SLC25A26: variants seen among roughly 807,000 people sequenced by gnomAD.
SLC25A26 encodes the protein mitochondrial S-adenosylmethionine carrier protein.
In SLC25A26, 36 loss-of-function variants were observed where a neutral mutation model predicts 37.8. The ratio of observed to expected loss-of-function variants is 0.95; its 90% CI spans 0.73 to 1.26. The LOEUF is 1.26. Ranked by LOEUF, SLC25A26 falls within the 50% of genes most tolerant of loss-of-function variation. The probability of loss-of-function intolerance (pLI) is 0.00; values close to 1 mark genes in which losing one functional copy is unlikely to be tolerated. For synonymous variants in SLC25A26, 129 were observed against 122.5 expected, an observed-to-expected ratio of 1.05 and a Z score of -0.35; for missense variants, 390 against 331.1, an observed-to-expected ratio of 1.18 and a Z score of -1.38.
chr3:66,318,925 C>T (rs567158735), intron 5 of SLC25A26, among the ~76,000 whole-genome samples: 1 of 152,280 alleles, frequency 6.6e-6, no homozygotes, highest in South Asian at 2.1e-4. Context: ...GCTGGGATTA[C>T]AGACACGAAC....
At chr3:66,248,812 C>T (rs982137605) in intron 3 of SLC25A26, among the ~76,000 whole-genome samples, 17 of 152,148 alleles carry the variant, frequency 1.1e-4, no homozygotes, top group African/African-American at 3.9e-4. Flanking sequence ...CAAGAAGGCC[C>T]GATGAGCATC....
chr3:66,195,379 C>T (rs1321634148), intron 1 of SLC25A26, among the ~76,000 whole-genome samples: 1 of 152,210 alleles, frequency 6.6e-6, no homozygotes, highest in Admixed American at 6.5e-5. Context: ...TCCAGGAACC[C>T]GCGGTAGGGA....
chr3:66,340,527 G>A (rs972723178), intron 5 of SLC25A26, among the ~76,000 whole-genome samples: 1 of 151,970 alleles, frequency 6.6e-6, no homozygotes, highest in African/African-American at 2.4e-5. Flanking sequence ...TCTTTTAAAA[G>A]CTTTATGGAT....
chr3:66,183,198 G>C (rs916741181), intron 1 of SLC25A26, among the ~76,000 whole-genome samples: 2 of 151,756 alleles, frequency 1.3e-5, no homozygotes, highest in Non-Finnish European at 2.9e-5. Context: ...CGCTGACCCT[G>C]ACCCTGATTT....
chr3:66,298,458 T>C (rs1483449550), intron 5 of SLC25A26, among the ~76,000 whole-genome samples: 1 of 152,196 alleles, frequency 6.6e-6, no homozygotes, highest in African/African-American at 2.4e-5. Context: ...CTTTGTGGGG[T>C]TTTCTTTTTT....
intron 1 of SLC25A26, among the ~76,000 whole-genome samples, chr3:66,183,890 T>TTGAACC (rs1399901874): frequency 6.6e-6 from 1 of 151,780 alleles, no homozygotes; most frequent in Non-Finnish European, 1.5e-5. Context: ...AAACCTTAAT[T>TTGAACC]TGAACCTGAC....
chr3:66,258,876 T>C (rs2073411006), intron 3 of SLC25A26, among the ~76,000 whole-genome samples: 1 of 151,460 alleles, frequency 6.6e-6, no homozygotes, highest in Admixed American at 6.6e-5. Context: ...TAACAGGATA[T>C]TTTACATTAA....
At chr3:66,274,585 G>A (rs2074068706) in intron 5 of SLC25A26, among the ~76,000 whole-genome samples, 1 of 152,216 alleles carries the variant, frequency 6.6e-6, no homozygotes, top group Non-Finnish European at 1.5e-5. Context: ...CAAAAAGTAG[G>A]CAAAGGATAT....
chr3:66,320,523 T>C (rs1339005219), intron 5 of SLC25A26, among the ~76,000 whole-genome samples: 3 of 152,218 alleles, frequency 2.0e-5, no homozygotes, highest in Admixed American at 6.5e-5. Context: ...TTTTGGCTAT[T>C]GTGAATAAGG....
In SLC25A26 at chr3:66,221,056, T is replaced by C. The variant is rs782468213; in HGVS notation, c.-39T>C. On this transcript the variant is annotated 5_prime_UTR_variant, in exon 1 of 10. Coordinates refer to ENST00000354883, the MANE Select transcript of SLC25A26 (RefSeq NM_001379210.1). The stretch of plus-strand genomic sequence containing the variant: ...GCGCGAGGACGTGATCCGCTTCTGC[T>C]CCGGCTTGGATTGTAGCCTTGACGA... The C allele has an allele frequency of 2.6e-6, 4 of 1,535,732 alleles. No individual in the cohort carries two copies. The highest frequency in any genetic ancestry group is 2.4e-5 in the South Asian group (2 of 84,034).
chr3:66,186,623 T>A (rs1329459669), intron 1 of SLC25A26, among the ~76,000 whole-genome samples: 1 of 152,016 alleles, frequency 6.6e-6, no homozygotes, highest in African/African-American at 2.4e-5. Flanking sequence ...ATCATAAATA[T>A]GAAAACAATT....
intron 1 of SLC25A26, among the ~76,000 whole-genome samples, chr3:66,146,066 G>T (rs1043064080): frequency 7.9e-5 from 12 of 151,886 alleles, no homozygotes; most frequent in African/African-American, 2.9e-4. Flanking sequence ...TTGGCTGGGC[G>T]CAGTGGCTCA....
intron 1 of SLC25A26, among the ~76,000 whole-genome samples, chr3:66,201,423 C>G: frequency 6.6e-6 from 1 of 152,008 alleles, no homozygotes; most frequent in Non-Finnish European, 1.5e-5. Context: ...GCCTCAGTCT[C>G]CCCAGGCTCA....
chr3:66,163,366 A>G (rs2070385431), intron 1 of SLC25A26, among the ~76,000 whole-genome samples: 1 of 152,084 alleles, frequency 6.6e-6, no homozygotes, highest in African/African-American at 2.4e-5. Flanking sequence ...TTTTCTCATT[A>G]TTGGGTTGTT....
In SLC25A26 at chr3:66,285,952, C is replaced by T. The variant is rs191643264; in HGVS notation, c.453+22573C>T. Among the ~76,000 whole-genome samples, 7 of 152,246 alleles carry T rather than the reference C, an allele frequency of 4.6e-5. No homozygotes were observed. The East Asian group carries it at 1.2e-3, about 25-fold the overall frequency. On this transcript the variant is annotated intron_variant, in intron 5 of 9. Transcript: ENST00000354883. ...CTCATAGTGGTTTTAATTTTCAGTTCCCTAATGGCTAATGATGTTGAACAT... is the reference window on the plus strand; with the variant it reads ...CTCATAGTGGTTTTAATTTTCAGTTTCCTAATGGCTAATGATGTTGAACAT...
chr3:66,166,609 C>A (rs1226382263), intron 1 of SLC25A26, among the ~76,000 whole-genome samples: 1 of 152,146 alleles, frequency 6.6e-6, no homozygotes, highest in African/African-American at 2.4e-5. Flanking sequence ...GTTAAGTTCA[C>A]CATTAAAGTT....
At chr3:66,276,015 A>C (rs1248361616) in intron 5 of SLC25A26, among the ~76,000 whole-genome samples, 1 of 152,120 alleles carries the variant, frequency 6.6e-6, no homozygotes, top group Non-Finnish European at 1.5e-5. Flanking sequence ...ACTAAATTTG[A>C]AGGTCAAATG....
At chr3:66,146,022 A>C (rs943465801) in intron 1 of SLC25A26, among the ~76,000 whole-genome samples, 3 of 152,166 alleles carry the variant, frequency 2.0e-5, no homozygotes, top group Non-Finnish European at 4.4e-5. Flanking sequence ...CACATATTTT[A>C]TTTTTGAGAA....
intron 5 of SLC25A26, among the ~76,000 whole-genome samples, chr3:66,291,004 T>A (rs1006870152): frequency 2.6e-5 from 4 of 152,186 alleles, no homozygotes; most frequent in African/African-American, 9.7e-5. Flanking sequence ...CTGTTATTGG[T>A]CTATTCAGAG....
Sources: gnomAD v4.1 joint callset for allele counts (sites outside exome capture counted in the v4.1 genomes callset) on GRCh38, gnomAD v4.1.1 for gene constraint, MANE v1.5 for transcripts, NCBI Gene and HGNC (gene_info 2026-07-23, HGNC 2026-07-21) for gene names.